Variants in ZNF559 observed in about 807,000 individuals in gnomAD.
The protein encoded by ZNF559 is putative protein product of Nbla00121.
ZNF559 carries 17 observed loss-of-function variants against 14.2 expected under a neutral mutation model. That is an observed-to-expected ratio of 1.20 (90% CI 0.82 to 1.80). The LOEUF (loss-of-function observed/expected upper bound fraction) is 1.80, where lower values mean the gene tolerates loss of function less well. Ranked by LOEUF, ZNF559 falls within the 40% of genes most tolerant of loss-of-function variation. The pLI is 0.00. For synonymous variants in ZNF559, 244 were observed against 212.4 expected, an observed-to-expected ratio of 1.15 and a Z score of -1.29; for missense variants, 740 against 629.7, an observed-to-expected ratio of 1.18 and a Z score of -1.88.
chr19:9,342,241 A>G lies in ZNF559; in HGVS notation c.790A>G (p.Ser264Gly), dbSNP rs1311683574. The G allele has an allele frequency of 6.3e-7, 1 of 1,586,530 alleles. No individual in the cohort carries two copies. The highest frequency in any genetic ancestry group is 8.5e-7 in the Non-Finnish European group (1 of 1,170,688). Residue 264 changes from serine to glycine, a missense_variant, in exon 7 of 7, where the codon AGT becomes GGT. Coordinates refer to ENST00000603380, the MANE Select transcript of ZNF559 (RefSeq NM_032497.3). ...SYLTQHLRTH[S>G]RVLPIEHKKF... ...TCTTACTCAACATTTAAGAACTCAT[A>G]GTAGAGTGTTACCTATAGAACATAA...
At chr19:9,324,618 A>ACC (rs35401044) in intron 1 of ZNF559, 77 bp from the exon 2 acceptor site, 8,563 of 708,930 alleles carry the variant, frequency 0.012, 155 homozygotes, top group African/African-American at 0.074. Context: ...ACATAGGGAG[A>ACC]CCCCCCCCCC....
At chr19:9,331,059 C>G (rs1254550975) in intron 2 of ZNF559, among the ~76,000 whole-genome samples, 2 of 152,174 alleles carry the variant, frequency 1.3e-5, no homozygotes, top group African/African-American at 4.8e-5. Flanking sequence ...TCTCTCTCCA[C>G]AGAAAAGCCT....
chr19:9,328,886 A>G (rs2066784840), intron 2 of ZNF559, among the ~76,000 whole-genome samples: 1 of 152,176 alleles, frequency 6.6e-6, no homozygotes, highest in South Asian at 2.1e-4. Flanking sequence ...AATATTACAT[A>G]AGCCCTCCAG....
At chr19:9,324,433 G>T in intron 1 of ZNF559, 4 of 1,439,658 alleles carry the variant, frequency 2.8e-6, no homozygotes, top group Non-Finnish European at 3.6e-6. Context: ...AGGCGGCTGC[G>T]CTGGGGCCTC....
intron 2 of ZNF559, among the ~76,000 whole-genome samples, chr19:9,336,807 C>T (rs1429327815): frequency 2.0e-5 from 3 of 152,068 alleles, no homozygotes; most frequent in African/African-American, 7.2e-5. Flanking sequence ...GCCACCTGGC[C>T]TACATGATTT....
chr19:9,340,976 T>TA, intron 5 of ZNF559, 126 bp from the exon 6 acceptor site: 4 of 768,040 alleles, frequency 5.2e-6, no homozygotes, highest in African/African-American at 1.8e-5. Flanking sequence ...TCCCGTTCTT[T>TA]AAAAAAACAA....
At chr19:9,330,196 T>C (rs946643899) in intron 2 of ZNF559, 1 of 152,216 alleles carries the variant, frequency 6.6e-6, no homozygotes, top group Non-Finnish European at 1.5e-5. Flanking sequence ...AAGGGTAGTA[T>C]TATGGAGATT....
exon 1 of ZNF559, chr19:9,324,154 GTGCGCGGCGTGTCTGCGTGGGCGCA>G: frequency 6.5e-7 from 1 of 1,535,988 alleles, no homozygotes; most frequent in Non-Finnish European, 8.7e-7. Flanking sequence ...GCCTTTGCGC[GTGCGCGGCGTGTCTGCGTGGGCGCA>G]TGCGCATAAC....
At position 9,339,214 on chromosome 19, in the gene ZNF559, G is replaced by GT. The variant is rs1180113514; in HGVS notation, c.56dup (p.Ala20GlyfsTer29). 1.2e-6 allele frequency: 2 copies of GT among 1,614,010 alleles called. No individual in the cohort carries two copies. The highest frequency in any genetic ancestry group is 1.7e-6 in the Non-Finnish European group (2 of 1,179,920). On this transcript the variant is annotated frameshift_variant, in exon 5 of 7. Coordinates refer to ENST00000603380, the MANE Select transcript of ZNF559 (RefSeq NM_032497.3). LOFTEE classifies it high-confidence loss of function. Reference sequence around the variant, plus strand: ...TTAGGACTCAGTGACCTTTGAGGATGTGGCTGTGGACTTCACCCAGGAGGA... The same window carrying GT: ...TTAGGACTCAGTGACCTTTGAGGATGTTGGCTGTGGACTTCACCCAGGAGGA...
chr19:9,324,490 C>T (rs1349938864), intron 1 of ZNF559: 16 of 1,390,450 alleles, frequency 1.2e-5, no homozygotes, highest in East Asian at 7.5e-5. Context: ...TTCCCTGCTC[C>T]CCTCTGCAGA....
chr19:9,326,039 A>G (rs2066576967), intron 2 of ZNF559, among the ~76,000 whole-genome samples: 1 of 149,762 alleles, frequency 6.7e-6, no homozygotes, highest in African/African-American at 2.5e-5. Flanking sequence ...TCACCATTAT[A>G]GTTGCCAGGT....
rs371237952 is a variant in ZNF559 at position 9,342,804 on chromosome 19, C to T, written c.1353C>T (p.His451=). The change falls in exon 7 of 7, where the codon CAC becomes CAT. Residue 451 remains histidine (H), a synonymous_variant. Transcript: ENST00000603380. ...GGAAAGCCTTTAGATACTCCTCGCA[C>T]CTTAGTCAACATAAAAGAATACATA... ...ECGKAFRYSS[H]LSQHKRIHTG... 3.0e-5 allele frequency: 48 copies of T among 1,613,744 alleles called. No homozygotes were observed. Among genetic ancestry groups the T allele is most frequent in the Non-Finnish European group, 4.0e-5 (47 of 1,179,984 alleles).
chr19:9,328,415 G>A (rs757749304), intron 2 of ZNF559, among the ~76,000 whole-genome samples: 10 of 143,388 alleles, frequency 7.0e-5, no homozygotes, highest in African/African-American at 1.6e-4. Context: ...GTGCAGTGGC[G>A]CAATCTCGGC....
intron 2 of ZNF559, among the ~76,000 whole-genome samples, chr19:9,331,140 A>G (rs1364763309): frequency 6.6e-6 from 1 of 152,174 alleles, no homozygotes; most frequent in Non-Finnish European, 1.5e-5. Context: ...TTCTCAGATG[A>G]TCAGCACCTT....
chr19:9,342,044 C>T lies in ZNF559; in HGVS notation c.593C>T (p.Ser198Leu), dbSNP rs147394792. 1.6e-5 allele frequency: 25 copies of T among 1,610,860 alleles called. No homozygotes were observed. The African/African-American group carries it at 2.1e-4, about 14-fold the overall frequency. ...TGTGAAAAAGGCTTACCTTCCTCCT[C>T]ACACCTCAGAGAATGTGTAAGAATT... ...SDCEKGLPSS[S>L]HLRECVRIYG... The change falls in exon 7 of 7, where the codon TCA becomes TTA. Residue 198 changes from serine to leucine, a missense_variant. Physicochemically the swap from Ser to Leu is moderately radical, Grantham distance 145 (BLOSUM62 -2). Coordinates refer to ENST00000603380, the MANE Select transcript of ZNF559 (RefSeq NM_032497.3).
chr19:9,342,792 A>ATAC lies in ZNF559; in HGVS notation c.1343_1345dup (p.Tyr448dup). ...GTGAGGAATGTGGGAAAGCCTTTAG[A>ATAC]TACTCCTCGCACCTTAGTCAACATA... On this transcript the variant is annotated inframe_insertion, in exon 7 of 7. Coordinates refer to ENST00000603380, the MANE Select transcript of ZNF559 (RefSeq NM_032497.3). The ATAC allele has an allele frequency of 6.2e-7, 1 of 1,613,736 alleles. No individual in the cohort carries two copies. The highest frequency in any genetic ancestry group is 8.5e-7 in the Non-Finnish European group (1 of 1,179,910).
Position 9,338,529 on chromosome 19 carries a change from T to G in ZNF559, c.-21T>G. 6.2e-7 allele frequency: 1 copy of G among 1,613,988 alleles called. No homozygotes were observed. Among genetic ancestry groups the G allele is most frequent in the Non-Finnish European group, 8.5e-7 (1 of 1,179,916 alleles). ...TCAAGATGTTTTCTGTCTTCATGAG[T>G]CAAAATTTGAAGAGGAAAGGATGGT... On this transcript the variant is annotated 5_prime_UTR_variant, in exon 4 of 7. Coordinates refer to ENST00000603380, the MANE Select transcript of ZNF559 (RefSeq NM_032497.3).
intron 1 of ZNF559, 40 bp downstream of exon 1, chr19:9,324,268 G>T: frequency 6.5e-7 from 1 of 1,536,078 alleles, no homozygotes; most frequent in Non-Finnish European, 8.7e-7. Context: ...TGGTGTCCCG[G>T]TGCAGCCACG....
At chr19:9,338,207 G>A (rs936725094) in intron 3 of ZNF559, among the ~76,000 whole-genome samples, 2 of 152,180 alleles carry the variant, frequency 1.3e-5, no homozygotes, top group African/African-American at 4.8e-5. Flanking sequence ...AGGCTTTTGT[G>A]GAAGAAGTTC....
Sources: allele counts gnomAD v4.1 joint callset (sites outside exome capture counted in the v4.1 genomes callset), GRCh38; gene constraint gnomAD v4.1.1; transcripts MANE v1.5; gene names NCBI Gene and HGNC (gene_info 2026-07-23, HGNC 2026-07-21).